PCOLCE: variants seen among roughly 807,000 people sequenced by gnomAD.
PCOLCE encodes procollagen C-endopeptidase enhancer.
In PCOLCE, 33 loss-of-function variants were observed where a neutral mutation model predicts 47.2. That is an observed-to-expected ratio of 0.70 (90% CI 0.53 to 0.93). The LOEUF is 0.93. Among genes scored for constraint, PCOLCE ranks in the 40% least tolerant of loss-of-function variants. The probability of loss-of-function intolerance (pLI) is 0.00; values close to 1 mark genes in which losing one functional copy is unlikely to be tolerated. For synonymous variants in PCOLCE, 254 were observed against 252.5 expected, an observed-to-expected ratio of 1.01 and a Z score of -0.06; for missense variants, 584 against 585.3, an observed-to-expected ratio of 1.00 and a Z score of 0.02.
In PCOLCE at chr7:100,604,265, G is replaced by A. The variant is rs1433743493; in HGVS notation, c.463+48G>A. The stretch of plus-strand genomic sequence containing the variant: ...CTTCCCCCCCTCCAGGCCCCGCCCC[G>A]GCCGCAGCCCCGCCCCCAGCCCTAA... On this transcript the variant is annotated intron_variant, in intron 3 of 8. Transcript: ENST00000223061. The surrounding 1 kb of genome is among the most constrained non-coding windows in gnomAD (Gnocchi z 6.4). The A allele has an allele frequency of 2.8e-5, 36 of 1,276,500 alleles. No homozygotes were observed. The highest frequency in any genetic ancestry group is 3.3e-5 in the Non-Finnish European group (32 of 983,050). 79.1% of individuals were successfully genotyped at this position (1,276,500 alleles called of 1,614,324 possible).
chr7:100,603,271 C>T (rs1802644840), intron 1 of PCOLCE, 159 bp from the exon 2 acceptor site: 1 of 531,994 alleles, frequency 1.9e-6, no homozygotes, highest in Non-Finnish European at 3.3e-6. Context: ...CAGCCCTGTC[C>T]TGGCTGGTGG....
Position 100,605,581 on chromosome 7 carries a change from T to C in PCOLCE, c.589-95T>C. On this transcript the variant is annotated intron_variant, in intron 4 of 8. Coordinates refer to ENST00000223061, the MANE Select transcript of PCOLCE (RefSeq NM_002593.4). The surrounding 1 kb of genome is among the most constrained non-coding windows in gnomAD (Gnocchi z 6.1). ...AGGGGGGCCCAGAGGACGCGGGAGG[T>C]GGGAGTGGGAGCTGCTGCAGGCACC... is the stretch of plus-strand genomic sequence containing the variant. The C allele has an allele frequency of 7.0e-7, 1 of 1,430,896 alleles. No individual in the cohort carries two copies. The highest frequency in any genetic ancestry group is 9.4e-7 in the Non-Finnish European group (1 of 1,060,148). 88.6% of individuals were successfully genotyped at this position (1,430,896 alleles called of 1,614,324 possible).
chr7:100,605,395 A>G lies in PCOLCE; in HGVS notation c.588+180A>G. 1.4e-6 allele frequency: 1 copy of G among 706,230 alleles called. No individual in the cohort carries two copies. 43.7% of individuals were successfully genotyped at this position (706,230 alleles called of 1,614,324 possible). A position where few individuals can be genotyped will look rare whatever the true frequency, so the allele number is the denominator to read the frequency against. ...CAAAAATGTAAAAATTACAACTGAG[A>G]CAAGTCTCAGGAGAGCGAGGTACAG... On this transcript the variant is annotated intron_variant, in intron 4 of 8. Coordinates refer to ENST00000223061, the MANE Select transcript of PCOLCE (RefSeq NM_002593.4). The surrounding 1 kb of genome is among the most constrained non-coding windows in gnomAD (Gnocchi z 6.1).
intron 5 of PCOLCE, 58 bp from the exon 6 acceptor site, chr7:100,606,358 A>T: frequency 8.0e-7 from 1 of 1,251,270 alleles, no homozygotes; most frequent in Non-Finnish European, 1.2e-6. Context: ...TGGGGCTGAG[A>T]AGAGTGTGGT....
rs765682594 is a variant in PCOLCE, at chr7:100,605,206, C to A, written c.579C>A (p.Pro193=). Residue 193 remains proline, a synonymous_variant, in exon 4 of 9, where the codon CCC becomes CCA. Transcript: ENST00000223061. This position sits in a 1 kb window ranked among gnomAD's most constrained non-coding sequence, Gnocchi z 6.1. ...GCTGTTCCTGGCACATCATCGCGCC[C>A]CCGGACCAGGTACCGACCCTCCTCC... is the stretch of plus-strand genomic sequence containing the variant. ...GISCSWHIIA[P]PDQVIALTFE... 2.1e-5 allele frequency: 34 copies of A among 1,612,118 alleles called. No individual in the cohort carries two copies. Among genetic ancestry groups the A allele is most frequent in the Non-Finnish European group, 2.9e-5 (34 of 1,179,214 alleles).
chr7:100,602,996 C>A, intron 1 of PCOLCE: 1 of 221,088 alleles, frequency 4.5e-6, no homozygotes, highest in South Asian at 9.5e-5. Context: ...CCTCCAGGTT[C>A]AATCAGAGGG....
Position 100,605,524 on chromosome 7 carries a change from G to A in PCOLCE, c.589-152G>A. ...CTGCAGGGTCCCATGGGTGTGTGTG[G>A]TCCTCCGTGCTGTGGTGTGAACGCC... On this transcript the variant is annotated intron_variant, in intron 4 of 8. Transcript: ENST00000223061. This position sits in a 1 kb window ranked among gnomAD's most constrained non-coding sequence, Gnocchi z 6.1. 1.1e-6 allele frequency: 1 copy of A among 918,608 alleles called. No homozygotes were observed. The highest frequency in any genetic ancestry group is 2.7e-5 in the East Asian group (1 of 37,672). 56.9% of individuals were successfully genotyped at this position (918,608 alleles called of 1,614,324 possible).
chr7:100,607,511 G>GC lies in PCOLCE; in HGVS notation c.1002dup (p.Ser335GlnfsTer31). On this transcript the variant is annotated frameshift_variant, in exon 7 of 9. Transcript: ENST00000223061. LOFTEE classifies it high-confidence loss of function. ...AGGCACCTTGCAGAGCAACTTCTGT[G>GC]CCAGCAGCCTTGGTAAGAATACCCC... 1 of 1,614,078 alleles carries GC rather than the reference G, an allele frequency of 6.2e-7. No homozygotes were observed. Among genetic ancestry groups the GC allele is most frequent in the Non-Finnish European group, 8.5e-7 (1 of 1,179,998 alleles).
At position 100,604,578 on chromosome 7, in the gene PCOLCE, A is replaced by C. The variant is rs569983070; in HGVS notation, c.463+361A>C. The C allele has an allele frequency of 9.7e-5, 38 of 393,506 alleles. No individual in the cohort carries two copies. The highest frequency in any genetic ancestry group is 8.4e-4 in the South Asian group (38 of 45,298). The allele number at this position is 393,506 out of a possible 1,614,324, so 24.4% of individuals were successfully genotyped here. A position where few individuals can be genotyped will look rare whatever the true frequency, so the allele number is the denominator to read the frequency against. On this transcript the variant is annotated intron_variant, in intron 3 of 8. Coordinates refer to ENST00000223061, the MANE Select transcript of PCOLCE (RefSeq NM_002593.4). The surrounding 1 kb of genome is among the most constrained non-coding windows in gnomAD (Gnocchi z 6.4). ...GAGGGGGCACCCCAGGGCTGGGGGGACTAGGTTCCTCCAACCCCGGGGGGC... is the reference window on the plus strand; with the variant it reads ...GAGGGGGCACCCCAGGGCTGGGGGGCCTAGGTTCCTCCAACCCCGGGGGGC...
intron 6 of PCOLCE, 74 bp from the exon 7 acceptor site, chr7:100,607,378 C>A: frequency 1.7e-6 from 2 of 1,208,358 alleles, no homozygotes; most frequent in Non-Finnish European, 2.4e-6. Flanking sequence ...CAGTTCAAGT[C>A]AATGAGGCTG....
chr7:100,605,829 G>C lies in PCOLCE; in HGVS notation c.725+17G>C. On this transcript the variant is annotated intron_variant, in intron 5 of 8. Transcript: ENST00000223061. The surrounding 1 kb of genome is among the most constrained non-coding windows in gnomAD (Gnocchi z 6.1). Reference sequence around the variant, plus strand: ...AGTCCCGGGGTGAGGGGCGGGACCTGGGCGAGTCCGGGAGAGAGTCGGCGG... The same window carrying C: ...AGTCCCGGGGTGAGGGGCGGGACCTCGGCGAGTCCGGGAGAGAGTCGGCGG... 1 of 1,549,392 alleles carries C rather than the reference G, an allele frequency of 6.5e-7. No individual in the cohort carries two copies. Among genetic ancestry groups the C allele is most frequent in the South Asian group, 1.2e-5 (1 of 84,012 alleles).
At chr7:100,606,657 G>A in intron 6 of PCOLCE, 27 bp downstream of exon 6, 4 of 1,535,706 alleles carry the variant, frequency 2.6e-6, no homozygotes, top group Non-Finnish European at 3.5e-6. Context: ...GGAGGAAGGG[G>A]AAACAGACTG....
Position 100,607,706 on chromosome 7 carries a change from T to C in PCOLCE, c.1082T>C (p.Ile361Thr), listed in dbSNP as rs996943116. Residue 361 changes from isoleucine (I) to threonine (T), a missense_variant, in exon 8 of 9, where the codon ATT becomes ACT. Transcript: ENST00000223061. ...GEGLAVTVSL[I>T]GAYKTGGLDL... is the part of the protein sequence containing the mutation. ...GGCCTTGCCGTGACTGTCAGTCTTA[T>C]TGGTGCTTATAAAACTGGAGGACTG... The C allele has an allele frequency of 6.2e-6, 10 of 1,613,916 alleles. No homozygotes were observed. The East Asian group carries it at 2.0e-4, about 32-fold the overall frequency.
At position 100,604,577 on chromosome 7, in the gene PCOLCE, G is replaced by C; in HGVS notation, c.463+360G>C. 2.5e-6 allele frequency: 1 copy of C among 397,626 alleles called. No individual in the cohort carries two copies. Among genetic ancestry groups the C allele is most frequent in the Non-Finnish European group, 4.7e-6 (1 of 212,202 alleles). The allele number at this position is 397,626 out of a possible 1,614,324, so 24.6% of individuals were successfully genotyped here. Reference sequence around the variant, plus strand: ...CGAGGGGGCACCCCAGGGCTGGGGGGACTAGGTTCCTCCAACCCCGGGGGG... The same window carrying C: ...CGAGGGGGCACCCCAGGGCTGGGGGCACTAGGTTCCTCCAACCCCGGGGGG... On this transcript the variant is annotated intron_variant, in intron 3 of 8. Transcript: ENST00000223061. The surrounding 1 kb of genome is among the most constrained non-coding windows in gnomAD (Gnocchi z 6.4).
rs1411201565 is a variant in PCOLCE, at chr7:100,603,988, ATTCCGAGTCTT to A, written c.235_245del (p.Phe79ArgfsTer53). 6.2e-7 allele frequency: 1 copy of A among 1,602,868 alleles called. No homozygotes were observed. The highest frequency in any genetic ancestry group is 8.5e-7 in the Non-Finnish European group (1 of 1,179,916). ...CCGAGGGCCAGACTGTGTCCCTCTC[ATTCCGAGTCTT>A]CGACCTGGAGCTGCACCCCGCCTGC... On this transcript the variant is annotated frameshift_variant, in exon 3 of 9. Coordinates refer to ENST00000223061, the MANE Select transcript of PCOLCE (RefSeq NM_002593.4). LOFTEE classifies it high-confidence loss of function.
At chr7:100,603,619 T>TCCCCCCCCCA in intron 2 of PCOLCE, 81 bp downstream of exon 2, 1 of 281,448 alleles carries the variant, frequency 3.6e-6, no homozygotes, top group South Asian at 4.0e-5. Context: ...CCCCCCCCCG[T>TCCCCCCCCCA]CCCCCCCGCA....
chr7:100,605,902 C>T lies in PCOLCE; in HGVS notation c.725+90C>T. On this transcript the variant is annotated intron_variant, in intron 5 of 8. Coordinates refer to ENST00000223061, the MANE Select transcript of PCOLCE (RefSeq NM_002593.4). The surrounding 1 kb of genome is among the most constrained non-coding windows in gnomAD (Gnocchi z 6.1). ...GAGGGGCGGGGTTCAGCTAAAGGGA[C>T]GGGATCTGAACCCCAGGGCTCCAAA... is the stretch of plus-strand genomic sequence containing the variant. 2 of 1,395,696 alleles carry T rather than the reference C, an allele frequency of 1.4e-6. No homozygotes were observed. The highest frequency in any genetic ancestry group is 2.7e-5 in the South Asian group (2 of 74,278). The allele number at this position is 1,395,696 out of a possible 1,614,324, so 86.5% of individuals were successfully genotyped here.
Position 100,606,488 on chromosome 7 carries a change from C to T in PCOLCE, c.798C>T (p.Phe266=). The part of the protein sequence containing the change: ...VSDLSVTADG[F]SASYKTLPRG... ...ATCTCAGTGTCACCGCTGATGGCTT[C>T]TCAGCCTCCTACAAGACCCTGCCGC... is the stretch of plus-strand genomic sequence containing the variant. Residue 266 remains phenylalanine, a synonymous_variant, in exon 6 of 9, where the codon TTC becomes TTT. Coordinates refer to ENST00000223061, the MANE Select transcript of PCOLCE (RefSeq NM_002593.4). The T allele has an allele frequency of 6.2e-7, 1 of 1,614,084 alleles. No homozygotes were observed. Among genetic ancestry groups the T allele is most frequent in the Non-Finnish European group, 8.5e-7 (1 of 1,179,916 alleles).
At chr7:100,607,100 A>AAAAAAAAAAAAAAAAAAC in intron 6 of PCOLCE, among the ~76,000 whole-genome samples, 1 of 151,622 alleles carries the variant, frequency 6.6e-6, no homozygotes, top group African/African-American at 2.4e-5. Flanking sequence ...CAAAAAAAAA[A>AAAAAAAAAAAAAAAAAAC]AAAAAACTTA....
Sources: gnomAD v4.1 joint callset for allele counts (sites outside exome capture counted in the v4.1 genomes callset) on GRCh38, gnomAD v4.1.1 for gene constraint, Gnocchi (gnomAD v3.1) non-coding constraint, MANE v1.5 for transcripts, NCBI Gene and HGNC (gene_info 2026-07-23, HGNC 2026-07-21) for gene names.